THBS1: variants seen among roughly 807,000 people sequenced by gnomAD.
THBS1 encodes the protein thrombospondin 1, also known as thrombospondin-1.
A neutral mutation model predicts 126.1 loss-of-function variants in THBS1; 29 were observed. That is an observed-to-expected ratio of 0.23 (90% CI 0.17 to 0.31). The LOEUF (loss-of-function observed/expected upper bound fraction) is 0.31, where lower values mean the gene tolerates loss of function less well. Among genes scored for constraint, THBS1 ranks in the 10% least tolerant of loss-of-function variants. The pLI is 1.00. For synonymous variants in THBS1, 496 were observed against 577.8 expected (o/e 0.86, Z 2.03); for missense variants, 1,198 against 1,545.2 (o/e 0.78, Z 3.77).
intron 14 of THBS1, 119 bp downstream of exon 14, chr15:39,590,742 TA>T: frequency 1.3e-6 from 1 of 753,154 alleles, no homozygotes; most frequent in Non-Finnish European, 2.2e-6. Context: ...ATACACAGGA[TA>T]ATTAGAAATT....
intron 14 of THBS1, 32 bp downstream of exon 14, chr15:39,590,655 T>C: frequency 6.3e-7 from 1 of 1,587,782 alleles, no homozygotes; most frequent in Non-Finnish European, 8.6e-7. Flanking sequence ...TTTTTCATCT[T>C]TTCAGTTCAG....
Position 39,593,682 on chromosome 15 carries a change from C to A in THBS1, c.3267+14C>A, listed in dbSNP as rs1295071708. 3.1e-6 allele frequency: 5 copies of A among 1,611,308 alleles called. No homozygotes were observed. The highest frequency in any genetic ancestry group is 3.4e-6 in the Non-Finnish European group (4 of 1,179,140). Reference sequence around the variant, plus strand: ...ACCCCTGGCCAGGTAAGAAGCAAAGCCCTGGAACAGAGAGAGAGCTTATGG... The same window carrying A: ...ACCCCTGGCCAGGTAAGAAGCAAAGACCTGGAACAGAGAGAGAGCTTATGG... On this transcript the variant is annotated intron_variant, in intron 19 of 21. Transcript: ENST00000260356. This position sits in a 1 kb window ranked among gnomAD's most constrained non-coding sequence, Gnocchi z 5.9.
rs1045218914 is a variant in THBS1, at chr15:39,582,382, A to G, written c.257A>G (p.Lys86Arg). The G allele has an allele frequency of 6.2e-7, 1 of 1,614,108 alleles. No individual in the cohort carries two copies. The highest frequency in any genetic ancestry group is 1.3e-5 in the African/African-American group (1 of 75,028). ...QDLVDAVRAE[K>R]GFLLLASLRQ... ...CTGGTGGATGCTGTGCGGGCAGAAAAGGGTTTCCTCCTTCTGGCATCCCTG... is the reference window on the plus strand; with the variant it reads ...CTGGTGGATGCTGTGCGGGCAGAAAGGGGTTTCCTCCTTCTGGCATCCCTG... Residue 86 changes from lysine to arginine, a missense_variant, in exon 3 of 22, where the codon AAG (lysine) becomes AGG (arginine). Lys to Arg is a conservative substitution (Grantham distance 26). Coordinates refer to ENST00000260356, the MANE Select transcript of THBS1 (RefSeq NM_003246.4).
Position 39,592,579 on chromosome 15 carries a change from C to T in THBS1, c.2544C>T (p.Asp848=). 6 of 1,612,846 alleles carry T rather than the reference C, an allele frequency of 3.7e-6. No homozygotes were observed. The highest frequency in any genetic ancestry group is 5.1e-6 in the Non-Finnish European group (6 of 1,179,398). ...LEHNPDQLDS[D]SDRIGDTCDN... ...CATCTCTCTTTCAGCTGGACTCTGA[C>T]TCAGACCGCATTGGAGATACCTGTG... is the stretch of plus-strand genomic sequence containing the variant. Residue 848 remains aspartate (D), a synonymous_variant, in exon 17 of 22, where the codon GAC becomes GAT. Transcript: ENST00000260356. The surrounding 1 kb of genome is among the most constrained non-coding windows in gnomAD (Gnocchi z 4.3).
chr15:39,590,481 A>C (rs770024826), intron 13 of THBS1, 35 bp from the exon 14 acceptor site: 4 of 1,538,970 alleles, frequency 2.6e-6, no homozygotes, highest in Non-Finnish European at 3.6e-6. Flanking sequence ...TGAGGAAGGC[A>C]ACTGAAGCAG....
Position 39,590,628 on chromosome 15 carries a change from A to G in THBS1, c.2253+5A>G. 1.9e-6 allele frequency: 3 copies of G among 1,612,538 alleles called. No homozygotes were observed. Among genetic ancestry groups the G allele is most frequent in the Non-Finnish European group, 2.5e-6 (3 of 1,178,874 alleles). ...GATAAAATTCCAGATGACAGGGTAA[A>G]AACAGTTTTCTATCCCTTTTTCATC... is the stretch of plus-strand genomic sequence containing the variant. On this transcript the variant is annotated splice_donor_5th_base_variant and intron_variant, in intron 14 of 21. Transcript: ENST00000260356.
At position 39,590,517 on chromosome 15, in the gene THBS1, A is replaced by T. The variant is rs753523339; in HGVS notation, c.2147A>T (p.Asp716Val). The T allele has an allele frequency of 6.2e-7, 1 of 1,612,638 alleles. No individual in the cohort carries two copies. The highest frequency in any genetic ancestry group is 1.3e-5 in the African/African-American group (1 of 74,988). The change falls in exon 14 of 22, where the codon GAT becomes GTT. Residue 716 changes from aspartate (D) to valine (V), a missense_variant and splice_region_variant. Around this residue, in one of 4 missense-constraint regions of THBS1, gnomAD observed 663 missense variants for 860.1 expected, o/e 0.77. Transcript: ENST00000260356. ...TGATATATATCTTCTCTTTCCTAGG[A>T]TAATTGCCCCAACCTTCCCAACTCA... is the stretch of plus-strand genomic sequence containing the variant. ...VANATYHCKKDNCPNLPNSGQ... is the reference protein window; with the variant it reads ...VANATYHCKKVNCPNLPNSGQ...
rs780261745 is a variant in THBS1 at position 39,582,562 on chromosome 15, C to G, written c.437C>G (p.Ala146Gly). 32 of 1,614,066 alleles carry G rather than the reference C, an allele frequency of 2.0e-5. 1 individual carries two copies. Among genetic ancestry groups the G allele is most frequent in the Non-Finnish European group, 2.5e-5 (30 of 1,180,052 alleles). ...CAGCACGTGGTGTCTGTGGAAGAAG[C>G]TCTCCTGGCAACCGGCCAGTGGAAG... is the stretch of plus-strand genomic sequence containing the variant. Reference protein sequence around the residue: ...GKQHVVSVEEALLATGQWKSI... With the variant: ...GKQHVVSVEEGLLATGQWKSI... Residue 146 changes from alanine (A) to glycine (G), a missense_variant, in exon 3 of 22, where the codon GCT (alanine) becomes GGT (glycine). Ala to Gly is a moderately conservative substitution (Grantham distance 60). Coordinates refer to ENST00000260356, the MANE Select transcript of THBS1 (RefSeq NM_003246.4).
At position 39,587,332 on chromosome 15, in the gene THBS1, C is replaced by A; in HGVS notation, c.1121-15C>A. On this transcript the variant is annotated splice_polypyrimidine_tract_variant and intron_variant, in intron 7 of 21. Transcript: ENST00000260356. ...TAATCATCACGTACCTGATGAACCT[C>A]TGTTTCCCCTGCAGCCAGCGACTCT... The A allele has an allele frequency of 6.2e-7, 1 of 1,605,286 alleles. No homozygotes were observed. The highest frequency in any genetic ancestry group is 1.1e-5 in the South Asian group (1 of 89,990).
intron 2 of THBS1, 31 bp from the exon 3 acceptor site, chr15:39,582,162 A>G: frequency 6.4e-7 from 1 of 1,554,804 alleles, no homozygotes; most frequent in South Asian, 1.2e-5. Flanking sequence ...CAGCCTAGAA[A>G]GCTCACTTTG....
At position 39,594,119 on chromosome 15, in the gene THBS1, C is replaced by T. The variant is rs1241133259; in HGVS notation, c.3288C>T (p.Asp1096=). ...TPGQVRTLWH[D]PRHIGWKDFT... ...TTCAGGTGCGCACCCTGTGGCATGA[C>T]CCTCGTCACATAGGCTGGAAAGATT... Residue 1096 remains aspartate (D), a synonymous_variant, in exon 20 of 22, where the codon GAC becomes GAT. Coordinates refer to ENST00000260356, the MANE Select transcript of THBS1 (RefSeq NM_003246.4). The surrounding 1 kb of genome is among the most constrained non-coding windows in gnomAD (Gnocchi z 4.4). The T allele has an allele frequency of 1.2e-6, 2 of 1,613,932 alleles. 1 individual carries two copies. The highest frequency in any genetic ancestry group is 4.5e-5 in the East Asian group (2 of 44,898).
intron 13 of THBS1, 41 bp downstream of exon 13, chr15:39,590,064 A>G: frequency 6.8e-7 from 1 of 1,479,044 alleles, no homozygotes; most frequent in Non-Finnish European, 9.1e-7. Flanking sequence ...AAGAGGGCCC[A>G]TCACCTTATC....
rs777787926 is a variant in THBS1 at position 39,595,840 on chromosome 15, C to T, written c.*471C>T. 1.3e-5 allele frequency: 6 copies of T among 458,258 alleles called. No individual in the cohort carries two copies. Among genetic ancestry groups the T allele is most frequent in the East Asian group, 6.9e-5 (1 of 14,462 alleles). 28.4% of individuals were successfully genotyped at this position (458,258 alleles called of 1,614,324 possible). On this transcript the variant is annotated 3_prime_UTR_variant, in exon 22 of 22. Transcript: ENST00000260356. ...AGAGGCCAAAGCACTAAGGGGAGGG[C>T]GCATACCCGAGACGATTGTATGAAG...
chr15:39,593,857 T>C lies in THBS1; in HGVS notation c.3267+189T>C. 2.0e-6 allele frequency: 2 copies of C among 1,018,604 alleles called. No individual in the cohort carries two copies. Among genetic ancestry groups the C allele is most frequent in the Non-Finnish European group, 1.4e-6 (1 of 715,536 alleles). The allele number at this position is 1,018,604 out of a possible 1,614,324, so 63.1% of individuals were successfully genotyped here. A position where few individuals can be genotyped will look rare whatever the true frequency, so the allele number is the denominator to read the frequency against. On this transcript the variant is annotated intron_variant, in intron 19 of 21. Coordinates refer to ENST00000260356, the MANE Select transcript of THBS1 (RefSeq NM_003246.4). This position sits in a 1 kb window ranked among gnomAD's most constrained non-coding sequence, Gnocchi z 5.9. ...AAGGGAGCTTGACCAAGAATTGCCCTGCAAATCCTAAGGTGCCTTCAGCCT... is the reference window on the plus strand; with the variant it reads ...AAGGGAGCTTGACCAAGAATTGCCCCGCAAATCCTAAGGTGCCTTCAGCCT...
chr15:39,581,999 C>A, intron 2 of THBS1, 75 bp downstream of exon 2: 1 of 1,507,778 alleles, frequency 6.6e-7, no homozygotes. Flanking sequence ...TGCCCCCTCA[C>A]GTGCTGTCCT....
rs769107475 is a variant in THBS1, at chr15:39,581,812, T to G, written c.-29-17T>G. The G allele has an allele frequency of 1.3e-6, 2 of 1,573,004 alleles. No homozygotes were observed. Among genetic ancestry groups the G allele is most frequent in the African/African-American group, 2.7e-5 (2 of 74,114 alleles). On this transcript the variant is annotated splice_polypyrimidine_tract_variant and intron_variant, in intron 1 of 21. Transcript: ENST00000260356. ...TAGCTGATCTCTGACCCTCGGCTCT[T>G]GTGCTTCCTGCTACAGGATCCCTGC...
At position 39,589,958 on chromosome 15, in the gene THBS1, G is replaced by A; in HGVS notation, c.2080G>A (p.Asp694Asn). The A allele has an allele frequency of 6.2e-7, 1 of 1,613,958 alleles. No individual in the cohort carries two copies. The highest frequency in any genetic ancestry group is 1.3e-5 in the African/African-American group (1 of 75,060). The change falls in exon 13 of 22, where the codon GAC (aspartate) becomes AAC (asparagine). Residue 694 changes from aspartate to asparagine, a missense_variant. Transcript: ENST00000260356. The surrounding 1 kb of genome is among the most constrained non-coding windows in gnomAD (Gnocchi z 4.7). ...TGGCATCATCTGCGGGGAGGACACA[G>A]ACCTGGATGGCTGGCCCAATGAGAA... ...GNGIICGEDT[D>N]LDGWPNENLV... is the part of the protein sequence containing the mutation.
In THBS1 at chr15:39,588,868, T is replaced by G. The variant is rs1255570409; in HGVS notation, c.1646-91T>G. The G allele has an allele frequency of 1.9e-6, 3 of 1,609,340 alleles. No individual in the cohort carries two copies. The East Asian group carries it at 6.7e-5, about 36-fold the overall frequency. ...CAAGTTATCGGTTCCCTATACCCTA[T>G]AATATCTTACACTGTGTTAAGTGCC... On this transcript the variant is annotated intron_variant, in intron 10 of 21. Transcript: ENST00000260356.
rs1566840505 is a variant in THBS1 at position 39,588,948 on chromosome 15, CCTT to C, written c.1646-10_1646-8del. 1 of 1,614,194 alleles carries C rather than the reference CCTT, an allele frequency of 6.2e-7. No homozygotes were observed. The highest frequency in any genetic ancestry group is 8.5e-7 in the Non-Finnish European group (1 of 1,180,032). ...CCATTTACTGTGACTGTCTCTCTCT[CCTT>C]GTCTCAGATGGATGCCTGTCCAATC... is the stretch of plus-strand genomic sequence containing the variant. On this transcript the variant is annotated splice_polypyrimidine_tract_variant and splice_region_variant and intron_variant, in intron 10 of 21. Transcript: ENST00000260356.
Sources: gnomAD v4.1 joint callset for allele counts on GRCh38, gnomAD v4.1.1 for gene constraint, gnomAD v4.1.1 regional missense constraint, Gnocchi (gnomAD v3.1) non-coding constraint, MANE v1.5 for transcripts, NCBI Gene and HGNC (gene_info 2026-07-23, HGNC 2026-07-21) for gene names.